The following YEATS4 variants were observed in gnomAD, a reference collection of about 807,000 sequenced individuals.
The protein encoded by YEATS4 is YEATS domain containing 4, also known as YEATS domain-containing protein 4.
A neutral mutation model predicts 30.1 loss-of-function variants in YEATS4; 17 were observed. The observed-to-expected ratio is 0.56, with a 90% confidence interval of 0.39 to 0.85. YEATS4 has a LOEUF of 0.85. Among genes scored for constraint, YEATS4 ranks in the 40% least tolerant of loss-of-function variants. The probability of loss-of-function intolerance (pLI) is 0.00; values close to 1 mark genes in which losing one functional copy is unlikely to be tolerated. For synonymous variants in YEATS4, 85 were observed against 87.5 expected (o/e 0.97, Z 0.16); for missense variants, 142 against 268.3 (o/e 0.53, Z 3.29).
chr12:69,419,187 A>G, the YEATS4 span, among the ~76,000 whole-genome samples: 1 of 142,674 alleles, frequency 7.0e-6, no homozygotes, highest in Non-Finnish European at 1.5e-5. Context: ...TGCTTTGTAT[A>G]TACACCTATT....
At chr12:69,424,216 G>A in the YEATS4 span, among the ~76,000 whole-genome samples, 10 of 152,176 alleles carry the variant, frequency 6.6e-5, no homozygotes, top group African/African-American at 2.4e-4. Context: ...TTTAAATCAT[G>A]ATTAGTTGGC....
chr12:69,419,546 A>G, the YEATS4 span, among the ~76,000 whole-genome samples: 1 of 152,080 alleles, frequency 6.6e-6, no homozygotes, highest in Non-Finnish European at 1.5e-5. Flanking sequence ...TCATGGGTTC[A>G]TGTGTCATTT....
the YEATS4 span, among the ~76,000 whole-genome samples, chr12:69,403,532 G>A: frequency 4.7e-5 from 7 of 149,624 alleles, no homozygotes; most frequent in South Asian, 2.1e-4. Flanking sequence ...AGCCAAAATC[G>A]TGCCACTGCA....
the YEATS4 span, among the ~76,000 whole-genome samples, chr12:69,425,791 C>A: frequency 1.3e-5 from 2 of 152,202 alleles, no homozygotes; most frequent in Non-Finnish European, 2.9e-5. Context: ...ACTCTGTGCA[C>A]CATAATTACA....
the YEATS4 span, among the ~76,000 whole-genome samples, chr12:69,425,731 G>A: frequency 1.3e-5 from 2 of 152,146 alleles, no homozygotes; most frequent in African/African-American, 4.8e-5. Context: ...GAGACAGGAG[G>A]TGCAAAGGAG....
chr12:69,396,623 A>G, the YEATS4 span, among the ~76,000 whole-genome samples: 1 of 152,168 alleles, frequency 6.6e-6, no homozygotes, highest in Non-Finnish European at 1.5e-5. Flanking sequence ...ATTAATGAGA[A>G]CATGAGTTAA....
At chr12:69,364,278 T>C in intron 2 of YEATS4, 1 of 370,556 alleles carries the variant, frequency 2.7e-6, no homozygotes. Context: ...ATAGTAAGAC[T>C]CCATCTCTAC....
chr12:69,399,559 G>A, the YEATS4 span, among the ~76,000 whole-genome samples: 11 of 152,118 alleles, frequency 7.2e-5, no homozygotes, highest in Non-Finnish European at 1.3e-4. Context: ...GTAAAAAGAT[G>A]CAACTGCTGT....
At chr12:69,413,623 A>T in the YEATS4 span, among the ~76,000 whole-genome samples, 15 of 151,110 alleles carry the variant, frequency 9.9e-5, no homozygotes, top group Admixed American at 9.3e-4. Flanking sequence ...AGGCCGAGAC[A>T]GGCAGATCAC....
rs781014263 is a variant in YEATS4 at position 69,390,552 on chromosome 12, A to G, written c.*236A>G. 4.0e-5 allele frequency: 11 copies of G among 271,896 alleles called. No homozygotes were observed. In the East Asian group the frequency reaches 4.7e-4, roughly 12 times the overall value. The allele number at this position is 271,896 out of a possible 1,614,324, so 16.8% of individuals were successfully genotyped here. On this transcript the variant is annotated 3_prime_UTR_variant, in exon 7 of 7. Transcript: ENST00000247843. Reference sequence around the variant, plus strand: ...TACCAACCCATTTTAAGAAAATTCTATGATATTAAGCACAGTTTTTAAAAA... The same window carrying G: ...TACCAACCCATTTTAAGAAAATTCTGTGATATTAAGCACAGTTTTTAAAAA...
downstream of YEATS4, among the ~76,000 whole-genome samples, chr12:69,395,028 A>G (rs569838610): frequency 6.6e-6 from 1 of 152,344 alleles, no homozygotes; most frequent in Admixed American, 6.5e-5. Context: ...GGAAACAGCT[A>G]CCCTCATACA....
downstream of YEATS4, among the ~76,000 whole-genome samples, chr12:69,394,663 CTG>C: frequency 6.6e-6 from 1 of 151,606 alleles, no homozygotes; most frequent in South Asian, 2.1e-4. Flanking sequence ...GAGTCTCACT[CTG>C]TTGCCCAAGC....
the YEATS4 span, among the ~76,000 whole-genome samples, chr12:69,424,683 G>A: frequency 1.3e-5 from 2 of 152,148 alleles, no homozygotes; most frequent in African/African-American, 4.8e-5. Context: ...TTTATAAGGA[G>A]CTCTTTCCCC....
chr12:69,386,581 T>A (rs1021448542), intron 6 of YEATS4, among the ~76,000 whole-genome samples: 5 of 152,224 alleles, frequency 3.3e-5, no homozygotes, highest in African/African-American at 1.2e-4. Flanking sequence ...CTTACCTGTT[T>A]CCTGCCTCTG....
the YEATS4 span, among the ~76,000 whole-genome samples, chr12:69,409,974 CCAGCCCT>C: frequency 6.6e-6 from 1 of 152,166 alleles, no homozygotes; most frequent in Non-Finnish European, 1.5e-5. Context: ...TCCTTCCCTC[CCAGCCCT>C]CAGACAGAAC....
the YEATS4 span, among the ~76,000 whole-genome samples, chr12:69,408,523 T>C: frequency 1.3e-5 from 2 of 152,242 alleles, no homozygotes; most frequent in Non-Finnish European, 2.9e-5. Context: ...AAGTTTTTGA[T>C]ACATGTTGCC....
chr12:69,391,773 TG>T (rs1371859719), downstream of YEATS4, among the ~76,000 whole-genome samples: 1 of 152,164 alleles, frequency 6.6e-6, no homozygotes, highest in Non-Finnish European at 1.5e-5. Context: ...GCATAGGGCC[TG>T]GGGATAGATC....
chr12:69,385,878 G>A (rs1013918287), intron 6 of YEATS4, among the ~76,000 whole-genome samples: 7 of 152,078 alleles, frequency 4.6e-5, no homozygotes, highest in Admixed American at 2.6e-4. Context: ...CATTTTGTAG[G>A]TAAAAGCTCT....
chr12:69,420,403 G>T, the YEATS4 span, among the ~76,000 whole-genome samples: 1 of 150,262 alleles, frequency 6.7e-6, no homozygotes, highest in Non-Finnish European at 1.5e-5. Flanking sequence ...ACCTGGTTTG[G>T]TTAGGGGGAG....
Sources: gnomAD v4.1 joint callset for allele counts (sites outside exome capture counted in the v4.1 genomes callset) on GRCh38, gnomAD v4.1.1 for gene constraint, MANE v1.5 for transcripts, NCBI Gene and HGNC (gene_info 2026-07-23, HGNC 2026-07-21) for gene names.